Variants in TMEM233 observed in about 807,000 individuals in gnomAD.
TMEM233 encodes the protein transmembrane protein 233.
Under a neutral mutation model 11.2 loss-of-function variants are expected in TMEM233, and 6 were observed. The observed-to-expected ratio is 0.54, with a 90% confidence interval of 0.29 to 1.06. The LOEUF (loss-of-function observed/expected upper bound fraction) is 1.06. Ranked by LOEUF, TMEM233 falls within the 50% of genes least tolerant of loss-of-function variation. The probability of loss-of-function intolerance (pLI) is 0.08; values close to 1 mark genes in which losing one functional copy is unlikely to be tolerated. For missense variants in TMEM233, 127 were observed against 144.7 expected (o/e 0.88, Z 0.63); for synonymous variants, 59 against 55.8 (o/e 1.06, Z -0.26).
In TMEM233 at chr12:119,595,038, T is replaced by C. The variant is rs1339510686; in HGVS notation, c.186+1004T>C. ...AGACCTCCCGAGCTGCCCGCCTCTC[T>C]AGGAGTGGCCGCTGGGGCCTCTAGT... On this transcript the variant is annotated intron_variant, in intron 1 of 2. Coordinates refer to ENST00000426426, the MANE Select transcript of TMEM233 (RefSeq NM_001136534.3). The surrounding 1 kb of genome is among the most constrained non-coding windows in gnomAD (Gnocchi z 4.3). Among the ~76,000 whole-genome samples the C allele has an allele frequency of 1.3e-5, 2 of 152,194 alleles. No individual in the cohort carries two copies. Among genetic ancestry groups the C allele is most frequent in the African/African-American group, 4.8e-5 (2 of 41,470 alleles).
intron 2 of TMEM233, 88 bp downstream of exon 2, chr12:119,629,960 C>G: frequency 7.3e-7 from 1 of 1,364,424 alleles, no homozygotes; most frequent in Non-Finnish European, 9.8e-7. Flanking sequence ...AGGTTATGCT[C>G]CAGTAACAAC....
intron 1 of TMEM233, among the ~76,000 whole-genome samples, chr12:119,627,876 A>C (rs921810376): frequency 6.6e-6 from 1 of 152,218 alleles, no homozygotes; most frequent in African/African-American, 2.4e-5. Flanking sequence ...AACACCCAGA[A>C]GCTACCACCC....
rs1954653962 is a variant in TMEM233, at chr12:119,622,043, C to A, written c.187-7693C>A. 5.9e-5 allele frequency among the ~76,000 whole-genome samples: 9 copies of A among 152,082 alleles called. No homozygotes were observed. The South Asian group carries it at 1.9e-3, about 32-fold the overall frequency. Reference sequence around the variant, plus strand: ...AAAGGTAGTGATGAAGTTGTCTTTGCCAAAATTTATGGGAAGTACTCAAGG... The same window carrying A: ...AAAGGTAGTGATGAAGTTGTCTTTGACAAAATTTATGGGAAGTACTCAAGG... On this transcript the variant is annotated intron_variant, in intron 1 of 2. Transcript: ENST00000426426.
At chr12:119,652,771 AT>A in the TMEM233 span, among the ~76,000 whole-genome samples, 1 of 152,248 alleles carries the variant, frequency 6.6e-6, no homozygotes, top group Non-Finnish European at 1.5e-5. Flanking sequence ...CTGGAGGAGA[AT>A]GCAAAGAACT....
the TMEM233 span, among the ~76,000 whole-genome samples, chr12:119,651,215 A>G: frequency 6.6e-6 from 1 of 152,132 alleles, no homozygotes; most frequent in Non-Finnish European, 1.5e-5. Flanking sequence ...GCACATCACA[A>G]ATTTAATAGG....
intron 1 of TMEM233, among the ~76,000 whole-genome samples, chr12:119,608,028 A>G (rs1954318332): frequency 6.6e-6 from 1 of 152,224 alleles, no homozygotes; most frequent in Admixed American, 6.5e-5. Context: ...CTTGAAGATC[A>G]TTGAGGACAG....
At chr12:119,634,659 G>A (rs549433347) in intron 2 of TMEM233, among the ~76,000 whole-genome samples, 3 of 152,134 alleles carry the variant, frequency 2.0e-5, no homozygotes, top group African/African-American at 7.2e-5. Flanking sequence ...GTAAATTACT[G>A]CCTTTTAAAA....
intron 1 of TMEM233, among the ~76,000 whole-genome samples, chr12:119,625,957 T>C (rs1954747620): frequency 6.6e-6 from 1 of 152,212 alleles, no homozygotes; most frequent in Non-Finnish European, 1.5e-5. Context: ...TTATTAATCC[T>C]AGACACGATC....
chr12:119,604,506 A>G (rs925077308), intron 1 of TMEM233, among the ~76,000 whole-genome samples: 2 of 152,224 alleles, frequency 1.3e-5, no homozygotes, highest in Non-Finnish European at 2.9e-5. Context: ...CACTTTAATG[A>G]GTACAGCTGC....
At chr12:119,646,247 C>CG (rs1265734401), downstream of TMEM233, among the ~76,000 whole-genome samples, 5 of 152,036 alleles carry the variant, frequency 3.3e-5, no homozygotes, top group Non-Finnish European at 7.4e-5. Flanking sequence ...TTAGTAGAGA[C>CG]GGAGTTTTGC....
At chr12:119,607,342 A>C (rs907725506) in intron 1 of TMEM233, among the ~76,000 whole-genome samples, 1 of 152,182 alleles carries the variant, frequency 6.6e-6, no homozygotes, top group Non-Finnish European at 1.5e-5. Context: ...TCAGAGCTCC[A>C]GTGGCGCAAT....
intron 1 of TMEM233, among the ~76,000 whole-genome samples, chr12:119,607,917 A>T (rs891107548): frequency 6.6e-6 from 1 of 152,220 alleles, no homozygotes; most frequent in Non-Finnish European, 1.5e-5. Context: ...CCACCCCAAA[A>T]GGTGATTCTT....
At chr12:119,607,135 G>T (rs1189139641) in intron 1 of TMEM233, among the ~76,000 whole-genome samples, 1 of 152,216 alleles carries the variant, frequency 6.6e-6, no homozygotes, top group Non-Finnish European at 1.5e-5. Context: ...TGTCTACAAT[G>T]ATTTCCTCTA....
chr12:119,618,460 C>G (rs1183340963), intron 1 of TMEM233, among the ~76,000 whole-genome samples: 2 of 152,172 alleles, frequency 1.3e-5, no homozygotes, highest in African/African-American at 4.8e-5. Flanking sequence ...CTGGAAAAGC[C>G]ACAGGCACTC....
At position 119,594,221 on chromosome 12, in the gene TMEM233, ACCT is replaced by A. The variant is rs753659157; in HGVS notation, c.186+192_186+194del. ...CAGAGCTCTCCCCGCAATCATCAGCACCTCCTCTGCACTCCTCGTGGTACTCAG... is the reference window on the plus strand; with the variant it reads ...CAGAGCTCTCCCCGCAATCATCAGCACCTCTGCACTCCTCGTGGTACTCAG... On this transcript the variant is annotated intron_variant, in intron 1 of 2. Coordinates refer to ENST00000426426, the MANE Select transcript of TMEM233 (RefSeq NM_001136534.3). The surrounding 1 kb of genome is among the most constrained non-coding windows in gnomAD (Gnocchi z 5.6). The A allele has an allele frequency of 1.2e-4, 74 of 612,522 alleles. No individual in the cohort carries two copies. The highest frequency in any genetic ancestry group is 1.8e-4 in the Non-Finnish European group (62 of 349,452). The allele number at this position is 612,522 out of a possible 1,614,324, so 37.9% of individuals were successfully genotyped here.
chr12:119,623,198 C>T (rs149160767), intron 1 of TMEM233, among the ~76,000 whole-genome samples: 2 of 152,234 alleles, frequency 1.3e-5, no homozygotes, highest in African/African-American at 2.4e-5. Flanking sequence ...ACTGAGAACA[C>T]GAAACTGTTT....
the TMEM233 span, among the ~76,000 whole-genome samples, chr12:119,652,212 GAT>G: frequency 2.0e-4 from 30 of 152,266 alleles, no homozygotes; most frequent in Admixed American, 9.2e-4. Context: ...AGAAAACTAT[GAT>G]ATGTGAGCTA....
chr12:119,649,854 T>TGAAA, the TMEM233 span, among the ~76,000 whole-genome samples: 1 of 91,306 alleles, frequency 1.1e-5, no homozygotes, highest in Admixed American at 1.5e-4. Flanking sequence ...GTTTAACTAT[T>TGAAA]AAAAAAAAAA....
chr12:119,617,204 G>A (rs1249411959), intron 1 of TMEM233, among the ~76,000 whole-genome samples: 1 of 152,168 alleles, frequency 6.6e-6, no homozygotes, highest in Non-Finnish European at 1.5e-5. Context: ...GAGACTTGGA[G>A]GCCTCAGAAG....
Sources: allele counts gnomAD v4.1 joint callset (sites outside exome capture counted in the v4.1 genomes callset), GRCh38; gene constraint gnomAD v4.1.1; non-coding constraint Gnocchi (gnomAD v3.1); transcripts MANE v1.5; gene names NCBI Gene and HGNC (gene_info 2026-07-23, HGNC 2026-07-21).